TEX261: variants seen among roughly 807,000 people sequenced by gnomAD.
TEX261 encodes the protein testis expressed 261.
TEX261 carries 13 observed loss-of-function variants against 25.1 expected under a neutral mutation model. That is an observed-to-expected ratio of 0.52 (90% CI 0.34 to 0.82). The LOEUF is 0.82. Among genes scored for constraint, TEX261 ranks in the 40% least tolerant of loss-of-function variants. The pLI, the probability that TEX261 is intolerant of heterozygous loss-of-function variation, is 0.02. For synonymous variants in TEX261, 92 were observed against 97.8 expected, an observed-to-expected ratio of 0.94 and a Z score of 0.35; for missense variants, 206 against 243.2, an observed-to-expected ratio of 0.85 and a Z score of 1.02.
chr2:70,993,869 A>G (rs1208157343), intron 1 of TEX261, 94 bp from the exon 2 acceptor site: 1 of 959,510 alleles, frequency 1.0e-6, no homozygotes, highest in African/African-American at 1.6e-5. Context: ...TCCACCCTTC[A>G]TGGACCCCAG....
At chr2:70,994,613 C>T (rs546134736) in intron 1 of TEX261, 75 bp downstream of exon 1, 5 of 1,543,678 alleles carry the variant, frequency 3.2e-6, no homozygotes, top group Middle Eastern at 1.8e-4. Context: ...GGCTCCGAAA[C>T]CCCCGCGATG....
chr2:70,993,474 A>G (rs1270762161), intron 2 of TEX261, among the ~76,000 whole-genome samples: 3 of 152,226 alleles, frequency 2.0e-5, no homozygotes, highest in African/African-American at 4.8e-5. Context: ...CTAGAGCACA[A>G]GGCCTGCAGT....
intron 1 of TEX261, 191 bp downstream of exon 1, chr2:70,994,497 G>C: frequency 2.6e-6 from 2 of 756,108 alleles, no homozygotes; most frequent in Non-Finnish European, 4.1e-6. Flanking sequence ...CACCTGGAAG[G>C]AGCCACGGTC....
Position 70,991,877 on chromosome 2 carries a change from G to A in TEX261, c.257C>T (p.Thr86Ile). The change falls in exon 3 of 6, where the codon ACC (threonine) becomes ATC (isoleucine). Residue 86 changes from threonine (T) to isoleucine (I), a missense_variant. Transcript: ENST00000272438. ...TNLVYFGLLQTFPFIMLTSPN... is the reference protein window; with the variant it reads ...TNLVYFGLLQIFPFIMLTSPN... ...CGAGGTCAGCATGATGAAGGGGAAG[G>A]TCTGGAGGAGGCCAAAGTAGACGAG... 6.2e-7 allele frequency: 1 copy of A among 1,613,894 alleles called. No individual in the cohort carries two copies. The highest frequency in any genetic ancestry group is 1.3e-5 in the African/African-American group (1 of 75,038).
rs1416485298 is a variant in TEX261, at chr2:70,988,748, G to C, written c.476-33C>G. 13 of 1,580,064 alleles carry C rather than the reference G, an allele frequency of 8.2e-6. No individual in the cohort carries two copies. In the South Asian group the frequency reaches 1.2e-4, roughly 15 times the overall value. ...GATACAGGCAAGAATATGAGAGAGA[G>C]AGAGAGTGTGTGTGTGTGTGTGCGC... On this transcript the variant is annotated intron_variant, in intron 5 of 5. Coordinates refer to ENST00000272438, the MANE Select transcript of TEX261 (RefSeq NM_144582.3).
Position 70,993,779 on chromosome 2 carries a change from C to A in TEX261, c.71-4G>T, listed in dbSNP as rs1670351978. ...GCCAGGTAATAGAGTCCAGCCGCTG[C>A]AGGGTGGGAGGCAGGGAGACTATCA... is the stretch of plus-strand genomic sequence containing the variant. On this transcript the variant is annotated splice_region_variant and splice_polypyrimidine_tract_variant and intron_variant, in intron 1 of 5. Coordinates refer to ENST00000272438, the MANE Select transcript of TEX261 (RefSeq NM_144582.3). 6.2e-7 allele frequency: 1 copy of A among 1,612,004 alleles called. No homozygotes were observed. Among genetic ancestry groups the A allele is most frequent in the Non-Finnish European group, 8.5e-7 (1 of 1,179,532 alleles).
At chr2:70,989,140 G>A (rs1670253335) in intron 4 of TEX261, 123 bp from the exon 5 acceptor site, 7 of 810,992 alleles carry the variant, frequency 8.6e-6, no homozygotes, top group Admixed American at 4.4e-5. Context: ...GGGGGCCCAG[G>A]CCTGGGAAGC....
chr2:70,994,724 G>C lies in TEX261; in HGVS notation c.34C>G (p.Leu12Val), dbSNP rs1182389439. 6.2e-7 allele frequency: 1 copy of C among 1,606,592 alleles called. No individual in the cohort carries two copies. ...WFMYLLSWLS[L>V]FIQVAFITLA... ...GTGATGAAGGCCACCTGGATGAAGA[G>C]CGACAGCCAGCTCAGCAGGTACATG... is the stretch of plus-strand genomic sequence containing the variant. The change falls in exon 1 of 6, where the codon CTC becomes GTC. Residue 12 changes from leucine to valine, a missense_variant. Coordinates refer to ENST00000272438, the MANE Select transcript of TEX261 (RefSeq NM_144582.3).
chr2:70,992,745 AAAAG>A (rs1408088808), intron 2 of TEX261, among the ~76,000 whole-genome samples: 2 of 151,810 alleles, frequency 1.3e-5, no homozygotes, highest in Admixed American at 1.3e-4. Context: ...AAAAAAAAGA[AAAAG>A]AAAAACATTT....
At chr2:70,993,272 C>G (rs1462913055) in intron 2 of TEX261, among the ~76,000 whole-genome samples, 3 of 152,186 alleles carry the variant, frequency 2.0e-5, no homozygotes, top group Non-Finnish European at 2.9e-5. Context: ...GAAGCTGTGC[C>G]GATCTTAGGA....
Position 70,988,124 on chromosome 2 carries a change from C to T in TEX261, c.*476G>A, listed in dbSNP as rs2104869141. The T allele has an allele frequency of 1.2e-5, 2 of 172,372 alleles. No individual in the cohort carries two copies. Among genetic ancestry groups the T allele is most frequent in the South Asian group, 2.6e-4 (2 of 7,582 alleles). 10.7% of individuals were successfully genotyped at this position (172,372 alleles called of 1,614,324 possible). On this transcript the variant is annotated 3_prime_UTR_variant, in exon 6 of 6. Transcript: ENST00000272438. Reference sequence around the variant, plus strand: ...AGGGTATTAAGGCAAACAGTGCCACCTAGAAGCGAAGCTTTATTCAAACGG... The same window carrying T: ...AGGGTATTAAGGCAAACAGTGCCACTTAGAAGCGAAGCTTTATTCAAACGG...
At chr2:70,992,682 T>C (rs1558694111) in intron 2 of TEX261, among the ~76,000 whole-genome samples, 1 of 151,746 alleles carries the variant, frequency 6.6e-6, no homozygotes, top group Non-Finnish European at 1.5e-5. Flanking sequence ...TGAGCTGAGA[T>C]TGTGCCACTG....
Position 70,988,422 on chromosome 2 carries a change from C to A in TEX261, c.*178G>T. ...CCTCTGAGGTTACAGCCTCTTGAAGCATCAGATCTGAGCCAAGCTGAGCCC... is the reference window on the plus strand; with the variant it reads ...CCTCTGAGGTTACAGCCTCTTGAAGAATCAGATCTGAGCCAAGCTGAGCCC... On this transcript the variant is annotated 3_prime_UTR_variant, in exon 6 of 6. Coordinates refer to ENST00000272438, the MANE Select transcript of TEX261 (RefSeq NM_144582.3). 1 of 597,146 alleles carries A rather than the reference C, an allele frequency of 1.7e-6. No individual in the cohort carries two copies. The highest frequency in any genetic ancestry group is 3.0e-6 in the Non-Finnish European group (1 of 334,734). The allele number at this position is 597,146 out of a possible 1,614,324, so 37.0% of individuals were successfully genotyped here.
At chr2:70,992,094 C>T (rs1222468819) in intron 2 of TEX261, 111 bp from the exon 3 acceptor site, 3 of 1,074,446 alleles carry the variant, frequency 2.8e-6, no homozygotes, top group South Asian at 2.3e-5. Flanking sequence ...TCAATCTCCT[C>T]ATTTCACAGG....
At chr2:70,988,836 A>G in intron 5 of TEX261, 79 bp downstream of exon 5, 4 of 1,550,146 alleles carry the variant, frequency 2.6e-6, no homozygotes, top group Non-Finnish European at 3.6e-6. Flanking sequence ...GGCTAGATTC[A>G]GGTTCCCTCA....
chr2:70,988,545 G>A lies in TEX261; in HGVS notation c.*55C>T. The A allele has an allele frequency of 7.0e-7, 1 of 1,418,468 alleles. No individual in the cohort carries two copies. The highest frequency in any genetic ancestry group is 1.1e-5 in the South Asian group (1 of 87,012). 87.9% of individuals were successfully genotyped at this position (1,418,468 alleles called of 1,614,324 possible). A position where few individuals can be genotyped will look rare whatever the true frequency, so the allele number is the denominator to read the frequency against. On this transcript the variant is annotated 3_prime_UTR_variant, in exon 6 of 6. Transcript: ENST00000272438. ...ACTTCTGGTCCCCACCTGGCATAGA[G>A]GCCCAGGGGCCTGACTCTCCTGATC...
rs1553426065 is a variant in TEX261 at position 70,994,771 on chromosome 2, G to A, written c.-14C>T. 1.3e-6 allele frequency: 2 copies of A among 1,558,750 alleles called. No homozygotes were observed. Among genetic ancestry groups the A allele is most frequent in the Admixed American group, 1.8e-5 (1 of 55,386 alleles). On this transcript the variant is annotated 5_prime_UTR_variant, in exon 1 of 6. Coordinates refer to ENST00000272438, the MANE Select transcript of TEX261 (RefSeq NM_144582.3). ...CATGAACCACATGGCGCCCCCACCC[G>A]CCCGCTCCCCGGCCACCGGGACGGG...
chr2:70,989,254 G>A, intron 4 of TEX261: 1 of 574,440 alleles, frequency 1.7e-6, no homozygotes, highest in Admixed American at 3.0e-5. Flanking sequence ...GCTAGGACAA[G>A]CAACTCCCCT....
At chr2:70,990,601 C>G (rs1424653012) in intron 3 of TEX261, among the ~76,000 whole-genome samples, 1 of 152,128 alleles carries the variant, frequency 6.6e-6, no homozygotes, top group Non-Finnish European at 1.5e-5. Flanking sequence ...ACTGACTGTC[C>G]CCTCACACAC....
Sources: allele counts gnomAD v4.1 joint callset (sites outside exome capture counted in the v4.1 genomes callset), GRCh38; gene constraint gnomAD v4.1.1; transcripts MANE v1.5; gene names NCBI Gene and HGNC (gene_info 2026-07-23, HGNC 2026-07-21).